Variants in FILIP1 observed in about 807,000 individuals in gnomAD.
The protein encoded by FILIP1 is filamin-A-interacting protein 1.
Under a neutral mutation model 102.1 loss-of-function variants are expected in FILIP1, and 61 were observed. The ratio of observed to expected loss-of-function variants is 0.60; its 90% CI spans 0.49 to 0.74. FILIP1 has a LOEUF of 0.74. FILIP1 is among the 30% of genes least tolerant of loss of function. FILIP1 has a pLI of 0.00. For synonymous variants in FILIP1, 491 were observed against 526.9 expected, an observed-to-expected ratio of 0.93 and a Z score of 0.93; for missense variants, 1,314 against 1,441.2, an observed-to-expected ratio of 0.91 and a Z score of 1.43.
intron 4 of FILIP1, among the ~76,000 whole-genome samples, chr6:75,329,779 C>T (rs967394014): frequency 1.3e-5 from 2 of 151,980 alleles, no homozygotes; most frequent in Non-Finnish European, 2.9e-5. Flanking sequence ...AATTTTTAAT[C>T]TTTAATTTTT....
At chr6:75,397,731 T>C (rs1776517418) in intron 2 of FILIP1, among the ~76,000 whole-genome samples, 3 of 152,110 alleles carry the variant, frequency 2.0e-5, no homozygotes, top group Admixed American at 1.3e-4. Flanking sequence ...GGTGCAAATA[T>C]GTGTTTTGAG....
chr6:75,440,945 CAAA>C (rs200327100), intron 1 of FILIP1, among the ~76,000 whole-genome samples: 1 of 60,740 alleles, frequency 1.6e-5, no homozygotes. Context: ...AGCGACGTCT[CAAA>C]AAAAAAAAAA....
At chr6:75,357,842 G>A (rs1341689032) in intron 3 of FILIP1, among the ~76,000 whole-genome samples, 1 of 152,144 alleles carries the variant, frequency 6.6e-6, no homozygotes, top group Non-Finnish European at 1.5e-5. Flanking sequence ...TATGTGGCTT[G>A]TCCAGAGGCT....
At position 75,327,734 on chromosome 6, in the gene FILIP1, TA is replaced by T. The variant is rs1283867468; in HGVS notation, c.630-12533del. Among the ~76,000 whole-genome samples, 14 of 151,978 alleles carry T rather than the reference TA, an allele frequency of 9.2e-5. No homozygotes were observed. In the East Asian group the frequency reaches 2.7e-3, roughly 29 times the overall value. ...CTTAATTTAAAACTTTGTTTTTCCTTATTCTTTATAAATTAATAAATGAAAA... is the reference window on the plus strand; with the variant it reads ...CTTAATTTAAAACTTTGTTTTTCCTTTTCTTTATAAATTAATAAATGAAAA... On this transcript the variant is annotated intron_variant, in intron 4 of 5. Transcript: ENST00000237172.
At position 75,395,520 on chromosome 6, in the gene FILIP1, C is replaced by T. The variant is rs528276008; in HGVS notation, c.276+19177G>A. On this transcript the variant is annotated intron_variant, in intron 2 of 5. Coordinates refer to ENST00000237172, the MANE Select transcript of FILIP1 (RefSeq NM_015687.5). ...CTCAAACTCCTGACCTCAAGTGATC[C>T]ATCCTCCTCGACTTCCCAAAGTGCT... is the stretch of plus-strand genomic sequence containing the variant. Among the ~76,000 whole-genome samples the T allele has an allele frequency of 3.9e-5, 6 of 152,290 alleles. No homozygotes were observed. In the South Asian group the frequency reaches 1.2e-3, roughly 32 times the overall value.
In FILIP1 at chr6:75,414,828, C is replaced by T. The variant is rs1252723331; in HGVS notation, c.145G>A (p.Val49Ile). ...CGTTTGACAGTTCCTGAGGCCATGA[C>T]ATCATCCTCCTTCCTATTTGATTTC... ...KKKSNRKEDD[V>I]MASGTVKRHL... The change falls in exon 2 of 6, where the codon GTC (valine) becomes ATC (isoleucine). Residue 49 changes from valine to isoleucine, a missense_variant. Around this residue, in one of 3 missense-constraint regions of FILIP1, gnomAD observed 494 missense variants for 511.2 expected, o/e 0.97. Coordinates refer to ENST00000237172, the MANE Select transcript of FILIP1 (RefSeq NM_015687.5). The T allele has an allele frequency of 6.2e-7, 1 of 1,613,896 alleles. No individual in the cohort carries two copies. Among genetic ancestry groups the T allele is most frequent in the Non-Finnish European group, 8.5e-7 (1 of 1,179,862 alleles).
intron 2 of FILIP1, among the ~76,000 whole-genome samples, chr6:75,373,585 G>A (rs566781743): frequency 4.0e-5 from 6 of 151,046 alleles, no homozygotes; most frequent in South Asian, 2.1e-4. Context: ...GGTTACAGGC[G>A]TGAGCCACCA....
chr6:75,450,129 G>A (rs771149435), intron 1 of FILIP1, among the ~76,000 whole-genome samples: 1 of 151,942 alleles, frequency 6.6e-6, no homozygotes, highest in African/African-American at 2.4e-5. Flanking sequence ...TTTTTTGGTA[G>A]AGATGGCAGG....
intron 2 of FILIP1, among the ~76,000 whole-genome samples, chr6:75,408,484 G>A (rs1776947912): frequency 6.6e-6 from 1 of 152,206 alleles, no homozygotes; most frequent in Admixed American, 6.5e-5. Flanking sequence ...AAAGAGCCAA[G>A]GCCTACAATA....
chr6:75,338,989 G>A (rs1432895437), intron 4 of FILIP1, among the ~76,000 whole-genome samples: 5 of 152,116 alleles, frequency 3.3e-5, no homozygotes, highest in South Asian at 2.1e-4. Context: ...AGGAGACTTC[G>A]ATTTTGCATT....
At chr6:75,428,600 C>T (rs1413585513) in intron 1 of FILIP1, 1 of 154,150 alleles carries the variant, frequency 6.5e-6, no homozygotes, top group Non-Finnish European at 1.5e-5. Context: ...CCCAGTATAT[C>T]TACCTATTTC....
chr6:75,359,048 G>A (rs1775095880), intron 3 of FILIP1, among the ~76,000 whole-genome samples: 1 of 151,194 alleles, frequency 6.6e-6, no homozygotes. Context: ...TTTCACCCAG[G>A]CTGGAGTGCA....
At chr6:75,484,648 C>A (rs1463277148) in intron 1 of FILIP1, among the ~76,000 whole-genome samples, 1 of 152,182 alleles carries the variant, frequency 6.6e-6, no homozygotes, top group African/African-American at 2.4e-5. Flanking sequence ...GACTTTGATG[C>A]ACAGAGAGTG....
intron 2 of FILIP1, among the ~76,000 whole-genome samples, chr6:75,371,143 A>G (rs1349179871): frequency 6.6e-6 from 1 of 152,222 alleles, no homozygotes; most frequent in East Asian, 1.9e-4. Context: ...CAAAGTTAAC[A>G]AGATTCATAA....
rs188500025 is a variant in FILIP1 at position 75,422,816 on chromosome 6, T to C, written c.-6-7838A>G. 1.4e-3 allele frequency among the ~76,000 whole-genome samples: 212 copies of C among 152,306 alleles called. 1 individual carries two copies. The highest frequency in any genetic ancestry group is 2.4e-3 in the Non-Finnish European group (163 of 68,018). On this transcript the variant is annotated intron_variant, in intron 1 of 5. Transcript: ENST00000237172. ...TCTTAAATAAATGGTTTGTTATACA[T>C]CATTTTAATGTACATTTCTTGCTTT...
chr6:75,478,904 G>A (rs60869307), intron 1 of FILIP1, among the ~76,000 whole-genome samples: 156 of 152,264 alleles, frequency 1.0e-3, no homozygotes, highest in African/African-American at 3.7e-3. Flanking sequence ...ATGGCAAAGA[G>A]TTGTTTGGTG....
rs772003968 is a variant in FILIP1 at position 75,308,713 on chromosome 6, G to A, written c.3620C>T (p.Ser1207Phe). 1.2e-6 allele frequency: 2 copies of A among 1,613,286 alleles called. No homozygotes were observed. Among genetic ancestry groups the A allele is most frequent in the East Asian group, 4.5e-5 (2 of 44,868 alleles). The change falls in exon 6 of 6, where the codon TCT becomes TTT. Residue 1207 changes from serine (S) to phenylalanine (F), a missense_variant. Physicochemically the swap from Ser to Phe is radical, Grantham distance 155. Around this residue, in one of 3 missense-constraint regions of FILIP1, gnomAD observed 816 missense variants for 913.1 expected, o/e 0.89. Transcript: ENST00000237172. ...LKKSAASSTT[S>F]LGGGKG ...CCCTCAGCCCTTCCCCCCTCCGAGA[G>A]AGGTGGTGCTGCTGGCTGCAGATTT...
intron 1 of FILIP1, among the ~76,000 whole-genome samples, chr6:75,447,738 C>A (rs992208573): frequency 1.3e-5 from 2 of 152,018 alleles, no homozygotes; most frequent in Non-Finnish European, 2.9e-5. Flanking sequence ...TGGCTCAAGA[C>A]CTTTTCAGTG....
At chr6:75,432,004 A>G (rs1019503637) in intron 1 of FILIP1, among the ~76,000 whole-genome samples, 1 of 152,238 alleles carries the variant, frequency 6.6e-6, no homozygotes, top group African/African-American at 2.4e-5. Context: ...CAAAAGTCCT[A>G]GCCAGGACCA....
Sources: allele counts gnomAD v4.1 joint callset (sites outside exome capture counted in the v4.1 genomes callset), GRCh38; gene constraint gnomAD v4.1.1; regional missense constraint gnomAD v4.1.1; transcripts MANE v1.5; gene names NCBI Gene and HGNC (gene_info 2026-07-23, HGNC 2026-07-21).